Variants in WDR90 observed in about 807,000 individuals in gnomAD.
WDR90 encodes the protein WD repeat domain 90.
A neutral mutation model predicts 195.2 loss-of-function variants in WDR90; 238 were observed. That is an observed-to-expected ratio of 1.22 (90% confidence interval 1.10 to 1.36). The LOEUF is 1.36. WDR90 is among the 40% of genes most tolerant of loss of function. The pLI, the probability that WDR90 is intolerant of heterozygous loss-of-function variation, is 0.00. For missense variants in WDR90, 2,734 were observed against 2,439.5 expected (o/e 1.12, Z -2.54); for synonymous variants, 1,265 against 1,052.4 (o/e 1.20, Z -3.91).
chr16:658,241 T>G lies in WDR90; in HGVS notation c.2663T>G (p.Met888Arg). The change falls in exon 22 of 41, where the codon ATG becomes AGG. Residue 888 changes from methionine to arginine, a missense_variant. Coordinates refer to ENST00000293879, the MANE Select transcript of WDR90 (RefSeq NM_145294.5). Reference sequence around the variant, plus strand: ...GCCAGCAGCCGCCTGGACTCAGCCATGGCTGTGTGCTTTGGCCCTGCAGCT... The same window carrying G: ...GCCAGCAGCCGCCTGGACTCAGCCAGGGCTGTGTGCTTTGGCCCTGCAGCT... ...DLASSRLDSA[M>R]AVCFGPAALG... 6.2e-7 allele frequency: 1 copy of G among 1,612,614 alleles called. No homozygotes were observed.
chr16:658,049 C>T, intron 21 of WDR90, 134 bp from the exon 22 acceptor site: 1 of 1,455,066 alleles, frequency 6.9e-7, no homozygotes. Flanking sequence ...CACGTGCGGC[C>T]AGGTTCCTGT....
At chr16:653,487 G>A in intron 11 of WDR90, 36 bp downstream of exon 11, 1 of 1,612,470 alleles carries the variant, frequency 6.2e-7, no homozygotes, top group Non-Finnish European at 8.5e-7. Flanking sequence ...GCTCACACCT[G>A]CAGCCCCTAC....
At position 666,680 on chromosome 16, in the gene WDR90, G is replaced by A; in HGVS notation, c.4892G>A (p.Gly1631Asp). ...CATGCTGCGCCTTTGCAGACTCAGG[G>A]CCACCTGCCACCCTCCCTCGCTGCC... ...FPMPATTETQ[G>D]HLPPSLAAFC... The change falls in exon 39 of 41, where the codon GGC becomes GAC. Residue 1631 changes from glycine (G) to aspartate (D), a missense_variant. Gly to Asp is a moderately conservative substitution (Grantham distance 94). Coordinates refer to ENST00000293879, the MANE Select transcript of WDR90 (RefSeq NM_145294.5). 5 of 1,612,686 alleles carry A rather than the reference G, an allele frequency of 3.1e-6. No individual in the cohort carries two copies. The highest frequency in any genetic ancestry group is 2.2e-5 in the South Asian group (2 of 91,078).
rs767103979 is a variant in WDR90, at chr16:662,713, G to A, written c.4180G>A (p.Gly1394Arg). Residue 1394 changes from glycine to arginine, a missense_variant, in exon 34 of 41, where the codon GGG becomes AGG. Gly to Arg is a moderately radical substitution (Grantham distance 125). Coordinates refer to ENST00000293879, the MANE Select transcript of WDR90 (RefSeq NM_145294.5). ...CATGGAACACGAGCTGGTGCTGGAC[G>A]GGGCTGTGGTGAGTGCCAGCTTCGA... ...VFMEHELVLD[G>R]AVVSASFDDS... The A allele has an allele frequency of 5.1e-6, 8 of 1,576,756 alleles. No homozygotes were observed. The highest frequency in any genetic ancestry group is 4.0e-5 in the African/African-American group (3 of 74,308).
chr16:664,133 G>A (rs568987914), intron 34 of WDR90, among the ~76,000 whole-genome samples: 22 of 152,260 alleles, frequency 1.4e-4, no homozygotes, highest in Middle Eastern at 3.4e-3. Context: ...CACAAGCTCC[G>A]TGTGTTTCAG....
At chr16:656,986 C>T in intron 19 of WDR90, 105 bp from the exon 20 acceptor site, 2 of 1,553,818 alleles carry the variant, frequency 1.3e-6, no homozygotes, top group Non-Finnish European at 1.7e-6. Flanking sequence ...CCCTTTGCTG[C>T]CCCATGGGGA....
intron 20 of WDR90, 57 bp from the exon 21 acceptor site, chr16:657,705 G>C: frequency 6.8e-7 from 1 of 1,479,946 alleles, no homozygotes; most frequent in Non-Finnish European, 9.0e-7. Context: ...CTCGGGCCCT[G>C]GCCACGCGCA....
Position 667,664 on chromosome 16 carries a change from G to A in WDR90, c.*75G>A, listed in dbSNP as rs777587584. On this transcript the variant is annotated 3_prime_UTR_variant, in exon 41 of 41. Transcript: ENST00000293879. ...ACCTGGACACAGGCTTGGCAGAGGCGCCAGGTTGTCAATGGCCTCATGCTG... is the reference window on the plus strand; with the variant it reads ...ACCTGGACACAGGCTTGGCAGAGGCACCAGGTTGTCAATGGCCTCATGCTG... 2.8e-5 allele frequency: 44 copies of A among 1,582,270 alleles called. No homozygotes were observed. Among genetic ancestry groups the A allele is most frequent in the Non-Finnish European group, 3.4e-5 (40 of 1,170,588 alleles).
In WDR90 at chr16:666,705, C is replaced by T. The variant is rs1169661750; in HGVS notation, c.4917C>T (p.Ala1639=). 13 of 1,612,880 alleles carry T rather than the reference C, an allele frequency of 8.1e-6. No homozygotes were observed. Among genetic ancestry groups the T allele is most frequent in the Non-Finnish European group, 1.0e-5 (12 of 1,179,982 alleles). ...GCCACCTGCCACCCTCCCTCGCTGC[C>T]TTCTGCCCTTGGGATGGGGCGCTCC... ...TQGHLPPSLA[A]FCPWDGALLM... is the part of the protein sequence containing the mutation. The change falls in exon 39 of 41, where the codon GCC becomes GCT. Residue 1639 remains alanine, a synonymous_variant. Coordinates refer to ENST00000293879, the MANE Select transcript of WDR90 (RefSeq NM_145294.5).
Position 661,067 on chromosome 16 carries a change from G to A in WDR90, c.3408G>A (p.Thr1136=), listed in dbSNP as rs2037901286. The change falls in exon 29 of 41, where the codon ACG becomes ACA. Residue 1136 remains threonine (T), a synonymous_variant. Transcript: ENST00000293879. ...WRPDTGFFAY[T]CGRLVVVEDL... ...TGCGCACAGGCTTCTTTGCCTACAC[G>A]TGCGGCCGCCTGGTGGTGGTGGAGG... is the stretch of plus-strand genomic sequence containing the variant. 5 of 1,386,994 alleles carry A rather than the reference G, an allele frequency of 3.6e-6. No individual in the cohort carries two copies. The highest frequency in any genetic ancestry group is 5.9e-5 in the East Asian group (1 of 17,086). The allele number at this position is 1,386,994 out of a possible 1,614,324, so 85.9% of individuals were successfully genotyped here. A position where few individuals can be genotyped will look rare whatever the true frequency, so the allele number is the denominator to read the frequency against.
chr16:665,093 C>G (rs2037994307), intron 34 of WDR90: 1 of 171,812 alleles, frequency 5.8e-6, no homozygotes, highest in African/African-American at 2.4e-5. Flanking sequence ...TGTCTCCTTT[C>G]TGCCAGTCCA....
chr16:665,487 C>G (rs2038004163), intron 34 of WDR90, 192 bp from the exon 35 acceptor site: 1 of 845,658 alleles, frequency 1.2e-6, no homozygotes, highest in Non-Finnish European at 1.8e-6. Context: ...TTGGTTTGGA[C>G]TCACCCAGAT....
chr16:665,961 C>A lies in WDR90; in HGVS notation c.4446C>A (p.Cys1482Ter). 2 of 1,589,546 alleles carry A rather than the reference C, an allele frequency of 1.3e-6. No homozygotes were observed. ...QFQVLNQSCL[C>*]LAWSPPCCGR... ...CTGTGGGTCCCCAGAGCTGCCTCTG[C>A]CTGGCATGGAGCCCCCCGTGCTGTG... Residue 1482 changes from cysteine to a stop codon, truncating the protein, a stop_gained, in exon 36 of 41, where the codon TGC becomes TGA. Transcript: ENST00000293879. LOFTEE classifies it high-confidence loss of function.
chr16:658,125 G>C (rs978333313), intron 21 of WDR90, 58 bp from the exon 22 acceptor site: 5 of 1,565,174 alleles, frequency 3.2e-6, no homozygotes, highest in Non-Finnish European at 4.3e-6. Context: ...GCCTGACCCT[G>C]GGTGGCACCG....
chr16:649,357 C>T (rs1412171079), upstream of WDR90: 3 of 1,321,582 alleles, frequency 2.3e-6, no homozygotes, highest in East Asian at 9.3e-5. Context: ...CCTGGCGTCG[C>T]GGGGCGTACT....
At chr16:659,434 C>T in intron 26 of WDR90, 58 bp downstream of exon 26, 1 of 1,562,252 alleles carries the variant, frequency 6.4e-7, no homozygotes, top group Non-Finnish European at 8.7e-7. Context: ...AGGGCACAGG[C>T]CCAGTGGCAG....
chr16:665,849 TG>T, intron 35 of WDR90, 48 bp downstream of exon 35: 6 of 1,353,834 alleles, frequency 4.4e-6, no homozygotes, highest in Middle Eastern at 2.1e-4. Context: ...GCCTGCTCAG[TG>T]GGGGGCCTGG....
rs752303720 is a variant in WDR90 at position 661,052 on chromosome 16, C to T, written c.3393C>T (p.Gly1131=). 23 of 1,360,980 alleles carry T rather than the reference C, an allele frequency of 1.7e-5. No homozygotes were observed. The highest frequency in any genetic ancestry group is 5.4e-4 in the Middle Eastern group (2 of 3,702). 84.3% of individuals were successfully genotyped at this position (1,360,980 alleles called of 1,614,324 possible). A position where few individuals can be genotyped will look rare whatever the true frequency, so the allele number is the denominator to read the frequency against. ...AGGCCCCGCCCTCTCTGCGCACAGG[C>T]TTCTTTGCCTACACGTGCGGCCGCC... The part of the protein sequence containing the change: ...RANMVWRPDT[G]FFAYTCGRLV... The change falls in exon 29 of 41, where the codon GGC becomes GGT. Residue 1131 remains glycine (G), a splice_region_variant and synonymous_variant. Coordinates refer to ENST00000293879, the MANE Select transcript of WDR90 (RefSeq NM_145294.5).
chr16:650,798 C>A, intron 5 of WDR90, 89 bp downstream of exon 5: 1 of 1,537,918 alleles, frequency 6.5e-7, no homozygotes, highest in South Asian at 1.2e-5. Context: ...TGGGAAAATA[C>A]AGTGCTCGAG....
Sources: gnomAD v4.1 joint callset for allele counts (sites outside exome capture counted in the v4.1 genomes callset) on GRCh38, gnomAD v4.1.1 for gene constraint, MANE v1.5 for transcripts, NCBI Gene and HGNC (gene_info 2026-07-23, HGNC 2026-07-21) for gene names.